EML6: variants seen among roughly 807,000 people sequenced by gnomAD.
EML6 encodes the protein EMAP like 6, also known as echinoderm microtubule-associated protein-like 6.
A neutral mutation model predicts 240.1 loss-of-function variants in EML6; 154 were observed. The ratio of observed to expected loss-of-function variants is 0.64; its 90% CI spans 0.56 to 0.73. The LOEUF (loss-of-function observed/expected upper bound fraction) is 0.73. Among genes scored for constraint, EML6 ranks in the 30% least tolerant of loss-of-function variants. EML6 has a pLI of 0.00. For missense variants in EML6, 2,964 were observed against 2,474.6 expected (o/e 1.20, Z -4.20); for synonymous variants, 1,148 against 899.0 (o/e 1.28, Z -4.95).
chr2:54,760,823 T>C (rs969770638), intron 2 of EML6, among the ~76,000 whole-genome samples: 2 of 80,116 alleles, frequency 2.5e-5, no homozygotes, highest in Non-Finnish European at 4.2e-5. Context: ...TGAGGGAGCA[T>C]TTTTTTTTTT....
intron 26 of EML6, among the ~76,000 whole-genome samples, chr2:54,923,367 G>GCGCACACA (rs1200496290): frequency 2.0e-3 from 284 of 144,460 alleles, no homozygotes; most frequent in African/African-American, 6.2e-3. Context: ...CTCACCAAAC[G>GCGCACACA]CACACACACA....
chr2:54,834,858 G>A (rs1189158836), intron 7 of EML6, among the ~76,000 whole-genome samples: 1 of 152,076 alleles, frequency 6.6e-6, no homozygotes, highest in Non-Finnish European at 1.5e-5. Flanking sequence ...TTTGTAAGTT[G>A]CATTCCTGCT....
chr2:54,750,225 G>T lies in EML6; in HGVS notation c.197+24967G>T, dbSNP rs1188311593. 2.0e-5 allele frequency among the ~76,000 whole-genome samples: 3 copies of T among 152,182 alleles called. No homozygotes were observed. In the East Asian group the frequency reaches 5.8e-4, roughly 29 times the overall value. ...CCAGGAAGAACTCAGGTGACATGCAGATTGATAATATTTGACTCCTGGGAC... is the reference window on the plus strand; with the variant it reads ...CCAGGAAGAACTCAGGTGACATGCATATTGATAATATTTGACTCCTGGGAC... On this transcript the variant is annotated intron_variant, in intron 2 of 41. Transcript: ENST00000356458.
chr2:54,928,752 G>A lies in EML6; in HGVS notation c.4004+1G>A. On this transcript the variant is annotated splice_donor_variant, in intron 28 of 41. Coordinates refer to ENST00000356458, the MANE Select transcript of EML6 (RefSeq NM_001039753.4). LOFTEE classifies it high-confidence loss of function. ...TGAAGGAAGTTTCCGTGGAAGAAAG[G>A]TATGGTGTTGCCAGGTTTGCTTGCT... The A allele has an allele frequency of 2.6e-6, 4 of 1,551,810 alleles. No individual in the cohort carries two copies. Among genetic ancestry groups the A allele is most frequent in the Non-Finnish European group, 3.5e-6 (4 of 1,147,018 alleles).
intron 2 of EML6, among the ~76,000 whole-genome samples, chr2:54,739,796 C>G (rs1683552785): frequency 6.6e-6 from 1 of 152,222 alleles, no homozygotes; most frequent in African/African-American, 2.4e-5. Flanking sequence ...ACCTGTCACT[C>G]TGGCTACAGT....
At chr2:54,844,477 A>G (rs1572989997) in intron 8 of EML6, among the ~76,000 whole-genome samples, 2 of 152,300 alleles carry the variant, frequency 1.3e-5, no homozygotes, top group East Asian at 1.9e-4. Flanking sequence ...AAATGCTTCA[A>G]TACTGGTGAT....
intron 2 of EML6, among the ~76,000 whole-genome samples, chr2:54,798,703 A>G (rs1210474813): frequency 1.6e-4 from 24 of 152,156 alleles, no homozygotes; most frequent in Admixed American, 1.6e-3. Context: ...TTGTAACTGT[A>G]GATTAATTAG....
Position 54,908,741 on chromosome 2 carries a change from G to A in EML6, c.3410-2213G>A, listed in dbSNP as rs544247751. On this transcript the variant is annotated intron_variant, in intron 24 of 41. Transcript: ENST00000356458. The stretch of plus-strand genomic sequence containing the variant: ...GGCTGCCCCAAAATGCCACCCACAG[G>A]CCCAAAGTCCACATCTCATCCCTGT... 9.1e-4 allele frequency among the ~76,000 whole-genome samples: 139 copies of A among 152,178 alleles called. 1 individual carries two copies. Among genetic ancestry groups the A allele is most frequent in the Middle Eastern group, 3.4e-3 (1 of 294 alleles).
At chr2:54,845,359 C>T (rs533069895) in intron 8 of EML6, among the ~76,000 whole-genome samples, 1 of 152,314 alleles carries the variant, frequency 6.6e-6, no homozygotes, top group African/African-American at 2.4e-5. Context: ...ACGTGTGAAA[C>T]TCATACCCAT....
At chr2:54,902,461 A>G (rs765215002) in intron 22 of EML6, among the ~76,000 whole-genome samples, 48 of 152,180 alleles carry the variant, frequency 3.2e-4, no homozygotes, top group Non-Finnish European at 6.2e-4. Context: ...GTGCCATGGC[A>G]TGATCACTGC....
chr2:54,723,820 G>C (rs1233796284), intron 1 of EML6, 43 bp downstream of exon 1: 1 of 152,570 alleles, frequency 6.6e-6, no homozygotes, highest in African/African-American at 2.4e-5. Context: ...GGCGAGGCTG[G>C]TTCGAGAGTG....
At chr2:54,778,625 A>C (rs969310568) in intron 2 of EML6, among the ~76,000 whole-genome samples, 2 of 152,192 alleles carry the variant, frequency 1.3e-5, no homozygotes, top group Admixed American at 6.5e-5. Flanking sequence ...GCAGTAGCTC[A>C]CACCTGTAAT....
chr2:54,829,361 A>G lies in EML6; in HGVS notation c.731A>G (p.Tyr244Cys), dbSNP rs1348389137. 4 of 1,551,820 alleles carry G rather than the reference A, an allele frequency of 2.6e-6. No homozygotes were observed. Among genetic ancestry groups the G allele is most frequent in the Admixed American group, 2.0e-5 (1 of 51,024 alleles). Residue 244 changes from tyrosine to cysteine, a missense_variant, in exon 7 of 42, where the codon TAT becomes TGT. Transcript: ENST00000356458. ...GAHSAGIFSM[Y>C]ACEEGFATGG... is the part of the protein sequence containing the mutation. ...CAACAGGCTGGAATCTTTAGCATGTATGCTTGTGAAGAAGGCTTTGCCACT... is the reference window on the plus strand; with the variant it reads ...CAACAGGCTGGAATCTTTAGCATGTGTGCTTGTGAAGAAGGCTTTGCCACT...
At chr2:54,933,617 T>G (rs987403563) in intron 28 of EML6, among the ~76,000 whole-genome samples, 2 of 151,802 alleles carry the variant, frequency 1.3e-5, no homozygotes, top group Non-Finnish European at 2.9e-5. Context: ...GCCTGTAATC[T>G]CAGCTACTCG....
rs190550168 is a variant in EML6, at chr2:54,892,787, C to T, written c.2742+131C>T. On this transcript the variant is annotated intron_variant, in intron 19 of 41. Coordinates refer to ENST00000356458, the MANE Select transcript of EML6 (RefSeq NM_001039753.4). Reference sequence around the variant, plus strand: ...GAATTAGGAAGTAGTTGTCATAAAGCTCAGTCAAGAGACAATAGGGAGGAA... The same window carrying T: ...GAATTAGGAAGTAGTTGTCATAAAGTTCAGTCAAGAGACAATAGGGAGGAA... The T allele has an allele frequency of 1.7e-4, 111 of 661,750 alleles. No individual in the cohort carries two copies. The East Asian group carries it at 2.2e-3, about 13-fold the overall frequency. The allele number at this position is 661,750 out of a possible 1,614,324, so 41.0% of individuals were successfully genotyped here.
Position 54,859,552 on chromosome 2 carries a change from A to G in EML6, c.1676A>G (p.Tyr559Cys), listed in dbSNP as rs151096494. The change falls in exon 12 of 42, where the codon TAT becomes TGT. Residue 559 changes from tyrosine to cysteine, a missense_variant. By Grantham distance (194) the Tyr-to-Cys change is radical (BLOSUM62 -2). Coordinates refer to ENST00000356458, the MANE Select transcript of EML6 (RefSeq NM_001039753.4). ...CLKRGAKFRK[Y>C]VGHSAHVTNV... ...CTTTCAGGAGCCAAATTTAGAAAGT[A>G]TGTGGGCCATTCTGCACATGTCACA... is the stretch of plus-strand genomic sequence containing the variant. 3 of 1,550,522 alleles carry G rather than the reference A, an allele frequency of 1.9e-6. No homozygotes were observed. The highest frequency in any genetic ancestry group is 2.6e-6 in the Non-Finnish European group (3 of 1,146,690).
chr2:54,890,489 C>G (rs905173204), intron 17 of EML6, among the ~76,000 whole-genome samples: 3 of 152,168 alleles, frequency 2.0e-5, no homozygotes, highest in Non-Finnish European at 4.4e-5. Context: ...AAACCTACCT[C>G]TCTGTGCAGC....
intron 2 of EML6, among the ~76,000 whole-genome samples, chr2:54,797,164 C>CAAAAAAAAAAAAAAA (rs773498648): frequency 6.4e-4 from 28 of 43,826 alleles, no homozygotes; most frequent in East Asian, 2.7e-3. Flanking sequence ...GACTCCATCT[C>CAAAAAAAAAAAAAAA]AAAAAAAAAA....
At chr2:54,843,775 G>A (rs112042034) in intron 7 of EML6, among the ~76,000 whole-genome samples, 10,729 of 150,958 alleles carry the variant, frequency 0.071, 724 homozygotes, top group East Asian at 0.28. Flanking sequence ...CCCGGGAGGC[G>A]GAGGCTGCAG....
Sources: gnomAD v4.1 joint callset for allele counts (sites outside exome capture counted in the v4.1 genomes callset) on GRCh38, gnomAD v4.1.1 for gene constraint, MANE v1.5 for transcripts, NCBI Gene and HGNC (gene_info 2026-07-23, HGNC 2026-07-21) for gene names.